Variants in TKT observed in about 807,000 individuals in gnomAD.
The protein encoded by TKT is epididymis luminal protein 107.
In TKT, 47 loss-of-function variants were observed where a neutral mutation model predicts 63.9. The ratio of observed to expected loss-of-function variants is 0.74; its 90% CI spans 0.58 to 0.94. The LOEUF (loss-of-function observed/expected upper bound fraction) is 0.94, where lower values mean the gene tolerates loss of function less well. Among genes scored for constraint, TKT ranks in the 40% least tolerant of loss-of-function variants. TKT has a pLI of 0.00. For missense variants in TKT, 721 were observed against 846.2 expected (o/e 0.85, Z 1.84); for synonymous variants, 338 against 334.1 (o/e 1.01, Z -0.13).
At position 53,231,483 on chromosome 3, in the gene TKT, C is replaced by T; in HGVS notation, c.816G>A (p.Gln272=). 1.2e-6 allele frequency: 2 copies of T among 1,614,140 alleles called. No individual in the cohort carries two copies. The highest frequency in any genetic ancestry group is 1.7e-5 in the Admixed American group (1 of 60,022). The change falls in exon 7 of 14, where the codon CAG becomes CAA. Residue 272 remains glutamine (Q), a synonymous_variant. Coordinates refer to ENST00000462138, the MANE Select transcript of TKT (RefSeq NM_001064.4). ...LPKNMAEQII[Q]EIYSQIQSKK... ...TGCTCTGGATCTGGCTGTAGATCTC[C>T]TGGATGATCTGCTCAGCCATGTTTT...
At chr3:53,235,404 G>A in intron 4 of TKT, 1 of 451,952 alleles carries the variant, frequency 2.2e-6, no homozygotes, top group East Asian at 3.5e-5. Flanking sequence ...AGGAGCTCAG[G>A]AAGAAGTACT....
intron 1 of TKT, among the ~76,000 whole-genome samples, chr3:53,244,265 C>T (rs771316087): frequency 2.7e-4 from 41 of 152,254 alleles, no homozygotes; most frequent in Non-Finnish European, 5.1e-4. Flanking sequence ...TGTCCCCGCA[C>T]TCTTCCCCAG....
At position 53,225,673 on chromosome 3, in the gene TKT, A is replaced by AC. The variant is rs1553675255; in HGVS notation, c.*82dup. The AC allele has an allele frequency of 5.8e-6, 8 of 1,390,360 alleles. No homozygotes were observed. Among genetic ancestry groups the AC allele is most frequent in the Non-Finnish European group, 6.8e-6 (7 of 1,030,386 alleles). 86.1% of individuals were successfully genotyped at this position (1,390,360 alleles called of 1,614,324 possible). On this transcript the variant is annotated 3_prime_UTR_variant, in exon 14 of 14. Coordinates refer to ENST00000462138, the MANE Select transcript of TKT (RefSeq NM_001064.4). ...TTCATTTTTCTCAAAACATATATTTACCCCTCCTCTCAGTACATCTTTGAG... is the reference window on the plus strand; with the variant it reads ...TTCATTTTTCTCAAAACATATATTTACCCCCTCCTCTCAGTACATCTTTGAG...
chr3:53,249,977 G>T (rs1378217419), intron 1 of TKT, among the ~76,000 whole-genome samples: 1 of 152,192 alleles, frequency 6.6e-6, no homozygotes, highest in East Asian at 1.9e-4. Context: ...CCACAACAGG[G>T]GCCGGACATC....
At chr3:53,246,578 T>C in intron 1 of TKT, among the ~76,000 whole-genome samples, 1 of 151,856 alleles carries the variant, frequency 6.6e-6, no homozygotes, top group East Asian at 1.9e-4. Flanking sequence ...ACAGGCCAGG[T>C]GCGGTGGCTC....
At chr3:53,229,759 C>G (rs1290024490) in intron 8 of TKT, among the ~76,000 whole-genome samples, 1 of 152,154 alleles carries the variant, frequency 6.6e-6, no homozygotes, top group Non-Finnish European at 1.5e-5. Context: ...AGGCCTCTTT[C>G]CCTAGTACCT....
chr3:53,229,275 C>G lies in TKT; in HGVS notation c.1264+5G>C, dbSNP rs1553676358. 1.2e-6 allele frequency: 2 copies of G among 1,614,036 alleles called. No individual in the cohort carries two copies. The highest frequency in any genetic ancestry group is 2.2e-5 in the South Asian group (2 of 91,070). ...TCCAGGTGTAAACACCCTGGCTAAA[C>G]TCACCGATGGAAACGCCGCAGTGGG... On this transcript the variant is annotated splice_donor_5th_base_variant and intron_variant, in intron 9 of 13. Transcript: ENST00000462138.
intron 4 of TKT, among the ~76,000 whole-genome samples, chr3:53,237,162 T>C (rs1705068485): frequency 6.6e-6 from 1 of 152,012 alleles, no homozygotes; most frequent in Middle Eastern, 3.2e-3. Flanking sequence ...AGTAGGGAGA[T>C]GACCTGAGGT....
intron 1 of TKT, among the ~76,000 whole-genome samples, chr3:53,244,304 A>G (rs9820979): frequency 0.69 from 104,906 of 152,104 alleles, 37,175 homozygotes; most frequent in Non-Finnish European, 0.77. Context: ...TCGGCAGAGC[A>G]TCCTGGGTTG....
At chr3:53,228,237 G>A (rs782529243) in intron 11 of TKT, 39 bp downstream of exon 11, 3 of 1,613,880 alleles carry the variant, frequency 1.9e-6, no homozygotes, top group Non-Finnish European at 2.5e-6. Flanking sequence ...GGAGGGTCCA[G>A]GCAGCTCTGT....
intron 4 of TKT, among the ~76,000 whole-genome samples, chr3:53,236,111 T>A (rs1371534470): frequency 6.6e-6 from 1 of 152,008 alleles, no homozygotes; most frequent in East Asian, 1.9e-4. Context: ...GGGTGAGGAG[T>A]GGTAGGACTT....
intron 4 of TKT, 82 bp from the exon 5 acceptor site, chr3:53,235,256 G>A: frequency 9.8e-6 from 13 of 1,320,756 alleles, no homozygotes; most frequent in Non-Finnish European, 1.2e-5. Flanking sequence ...CAAGGAGCCT[G>A]CATTCTGGGT....
At chr3:53,251,486 C>T (rs944772922) in intron 1 of TKT, among the ~76,000 whole-genome samples, 3 of 152,310 alleles carry the variant, frequency 2.0e-5, no homozygotes, top group Admixed American at 1.3e-4. Flanking sequence ...CAACAAAGAG[C>T]CTTCTGTGAG....
At chr3:53,233,539 T>G in intron 5 of TKT, 1 of 354,170 alleles carries the variant, frequency 2.8e-6, no homozygotes, top group African/African-American at 2.1e-5. Flanking sequence ...CAGAGCTCAG[T>G]TCCTTTATTG....
At chr3:53,235,322 A>C in intron 4 of TKT, 148 bp from the exon 5 acceptor site, 1 of 672,246 alleles carries the variant, frequency 1.5e-6, no homozygotes, top group Non-Finnish European at 2.4e-6. Flanking sequence ...CTCGAGGGGC[A>C]ACAGTGTCAC....
At position 53,231,743 on chromosome 3, in the gene TKT, G is replaced by A. The variant is rs114677617; in HGVS notation, c.749-193C>T. ...CGCAGTGAATAGGATGGACTCCTAC[G>A]TGCCCACCACTCACTGTCTACTGCC... On this transcript the variant is annotated intron_variant, in intron 6 of 13. Transcript: ENST00000462138. 1.9e-3 allele frequency: 1,113 copies of A among 596,792 alleles called. 8 individuals are homozygous for A. The highest frequency in any genetic ancestry group is 0.018 in the African/African-American group (968 of 53,972). 37.0% of individuals were successfully genotyped at this position (596,792 alleles called of 1,614,324 possible). A position where few individuals can be genotyped will look rare whatever the true frequency, so the allele number is the denominator to read the frequency against.
At chr3:53,240,198 A>G in intron 4 of TKT, 53 bp downstream of exon 4, 1 of 1,566,462 alleles carries the variant, frequency 6.4e-7, no homozygotes, top group Non-Finnish European at 8.8e-7. Flanking sequence ...TGGGTCACCC[A>G]AGGACCACTC....
intron 6 of TKT, chr3:53,232,408 G>A: frequency 2.5e-6 from 1 of 398,788 alleles, no homozygotes; most frequent in Non-Finnish European, 4.4e-6. Context: ...GGCAGAACAA[G>A]CCACAACCCC....
intron 6 of TKT, chr3:53,232,920 C>G: frequency 2.0e-6 from 1 of 504,306 alleles, no homozygotes; most frequent in East Asian, 3.4e-5. Context: ...CTCCAAGTCC[C>G]TCCTCTCCTC....
Sources: allele counts gnomAD v4.1 joint callset (sites outside exome capture counted in the v4.1 genomes callset), GRCh38; gene constraint gnomAD v4.1.1; transcripts MANE v1.5; gene names NCBI Gene and HGNC (gene_info 2026-07-23, HGNC 2026-07-21).